IL1RAPL2: variants seen among roughly 807,000 people sequenced by gnomAD.
IL1RAPL2 encodes the protein X-linked interleukin-1 receptor accessory protein-like 2.
A neutral mutation model predicts 44.1 loss-of-function variants in IL1RAPL2; 3 were observed. That is an observed-to-expected ratio of 0.07 (90% confidence interval 0.03 to 0.18). IL1RAPL2 has a LOEUF of 0.18. Ranked by LOEUF, IL1RAPL2 falls within the 10% of genes least tolerant of loss-of-function variation. The pLI is 1.00. For synonymous variants in IL1RAPL2, 181 were observed against 178.8 expected, an observed-to-expected ratio of 1.01 and a Z score of -0.10; for missense variants, 391 against 496.4, an observed-to-expected ratio of 0.79 and a Z score of 2.02.
rs899177744 is a variant in IL1RAPL2 at position 105,549,271 on chromosome X, A to G, written c.772+64884A>G. 6.2e-5 allele frequency among the ~76,000 whole-genome samples: 7 copies of G among 112,492 alleles called. No individual in the cohort carries two copies. In the Admixed American group the frequency reaches 6.6e-4, roughly 11 times the overall value. On this transcript the variant is annotated intron_variant, in intron 6 of 10. Coordinates refer to ENST00000372582, the MANE Select transcript of IL1RAPL2 (RefSeq NM_017416.2). ...GGCAGTTATTCTTTCAGCAACAAAG[A>G]TTAATTCTTTAAATGACCCAATTTG...
At chrX:104,923,880 AT>A (rs200121552) in intron 2 of IL1RAPL2, among the ~76,000 whole-genome samples, 3 of 105,258 alleles carry the variant, frequency 2.9e-5, no homozygotes, top group Non-Finnish European at 5.9e-5. Flanking sequence ...AAAAAAAAAA[AT>A]AAGATCCAAC....
chrX:104,664,019 G>A (rs991805474), intron 2 of IL1RAPL2, among the ~76,000 whole-genome samples: 5 of 110,346 alleles, frequency 4.5e-5, no homozygotes, highest in African/African-American at 1.6e-4. Context: ...ATATCATTGA[G>A]ATCAATGAAT....
intron 2 of IL1RAPL2, among the ~76,000 whole-genome samples, chrX:104,746,205 T>C (rs1932172715): frequency 9.0e-6 from 1 of 111,679 alleles, no homozygotes; most frequent in Non-Finnish European, 1.9e-5. Context: ...CTTTTAGAGA[T>C]GGAGGAACTG....
In IL1RAPL2 at chrX:105,116,013, G is replaced by A. The variant is rs772012838; in HGVS notation, c.83-79462G>A. Among the ~76,000 whole-genome samples the A allele has an allele frequency of 7.1e-5, 8 of 113,275 alleles. No individual in the cohort carries two copies. In the East Asian group the frequency reaches 2.0e-3, roughly 28 times the overall value. ...AGCCAGCAGCTCTGAGTGCGGGGCC[G>A]CTGAGCCCACGCCCACCCAGAACTT... On this transcript the variant is annotated intron_variant, in intron 2 of 10. Transcript: ENST00000372582.
intron 2 of IL1RAPL2, among the ~76,000 whole-genome samples, chrX:104,822,841 T>G (rs1385335920): frequency 3.6e-5 from 4 of 110,919 alleles, no homozygotes. Flanking sequence ...TATAAATTAC[T>G]TTGGGCAGTA....
chrX:104,607,871 A>G (rs1274887669), intron 1 of IL1RAPL2, among the ~76,000 whole-genome samples: 2 of 112,144 alleles, frequency 1.8e-5, no homozygotes, highest in Non-Finnish European at 3.8e-5. Context: ...CAGCAATCCC[A>G]TTACTGGGTA....
intron 5 of IL1RAPL2, among the ~76,000 whole-genome samples, chrX:105,299,477 G>A (rs2034679472): frequency 9.0e-6 from 1 of 111,359 alleles, no homozygotes. Flanking sequence ...AGAGTACAGG[G>A]TGAAGCCATG....
At chrX:105,456,330 G>T (rs897747163) in intron 5 of IL1RAPL2, among the ~76,000 whole-genome samples, 8 of 111,247 alleles carry the variant, frequency 7.2e-5, no homozygotes, top group African/African-American at 2.6e-4. Context: ...TTACCAGATT[G>T]CCCTGGCTAG....
rs767992621 is a variant in IL1RAPL2 at position 104,794,528 on chromosome X, G to A, written c.82+135533G>A. 7.2e-5 allele frequency among the ~76,000 whole-genome samples: 8 copies of A among 111,402 alleles called. No homozygotes were observed. The East Asian group carries it at 1.7e-3, about 24-fold the overall frequency. On this transcript the variant is annotated intron_variant, in intron 2 of 10. Coordinates refer to ENST00000372582, the MANE Select transcript of IL1RAPL2 (RefSeq NM_017416.2). ...TGACTCCTCAGGGAGGAAGATAGGT[G>A]GTGGAGTTCATAATAATGGTAAATA... is the stretch of plus-strand genomic sequence containing the variant.
chrX:105,321,111 A>T (rs2034894242), intron 5 of IL1RAPL2, among the ~76,000 whole-genome samples: 1 of 111,621 alleles, frequency 9.0e-6, no homozygotes, highest in Non-Finnish European at 1.9e-5. Flanking sequence ...TGGGGTGTAG[A>T]GGAGTGTTGG....
intron 1 of IL1RAPL2, among the ~76,000 whole-genome samples, chrX:104,620,130 TC>T (rs1929357356): frequency 9.0e-6 from 1 of 110,765 alleles, no homozygotes; most frequent in African/African-American, 3.3e-5. Flanking sequence ...AAGTTAGAAG[TC>T]ACATTGTGAG....
In IL1RAPL2 at chrX:104,977,152, C is replaced by T. The variant is rs138003050; in HGVS notation, c.83-218323C>T. ...CCCATTCACAGTAGCCAAAATTGTG[C>T]TGACTGATCTTCCACATGGGACCCG... On this transcript the variant is annotated intron_variant, in intron 2 of 10. Coordinates refer to ENST00000372582, the MANE Select transcript of IL1RAPL2 (RefSeq NM_017416.2). Among the ~76,000 whole-genome samples the T allele has an allele frequency of 7.1e-4, 79 of 111,830 alleles. 1 individual carries two copies. The highest frequency in any genetic ancestry group is 2.1e-3 in the African/African-American group (64 of 30,823).
chrX:105,318,580 C>G (rs775392912), intron 5 of IL1RAPL2, among the ~76,000 whole-genome samples: 21 of 110,745 alleles, frequency 1.9e-4, no homozygotes, highest in Non-Finnish European at 3.8e-4. Context: ...GGTGAAGGCA[C>G]AGAGAGAGAA....
intron 1 of IL1RAPL2, among the ~76,000 whole-genome samples, chrX:104,608,241 TG>T (rs1929062853): frequency 9.1e-6 from 1 of 109,602 alleles, no homozygotes; most frequent in South Asian, 4.0e-4. Flanking sequence ...GGTGGGGGGC[TG>T]TGGGAGGGAT....
chrX:104,702,509 T>G (rs2147552968), intron 2 of IL1RAPL2, among the ~76,000 whole-genome samples: 1 of 112,439 alleles, frequency 8.9e-6, no homozygotes, highest in Admixed American at 9.5e-5. Flanking sequence ...ATGCCCACTC[T>G]GATTGCTTCA....
chrX:104,937,315 C>T (rs1444066284), intron 2 of IL1RAPL2, among the ~76,000 whole-genome samples: 2 of 112,263 alleles, frequency 1.8e-5, no homozygotes, highest in African/African-American at 6.5e-5. Flanking sequence ...TTATCCATTA[C>T]AGGTGTCAGC....
intron 1 of IL1RAPL2, among the ~76,000 whole-genome samples, chrX:104,621,727 AT>A (rs1294665634): frequency 9.0e-6 from 1 of 111,071 alleles, no homozygotes; most frequent in Non-Finnish European, 1.9e-5. Flanking sequence ...CAAATTGATA[AT>A]TTTTTTCTCC....
chrX:104,818,343 CAA>C (rs768639524), intron 2 of IL1RAPL2, among the ~76,000 whole-genome samples: 1 of 27,425 alleles, frequency 3.6e-5, no homozygotes, highest in African/African-American at 1.1e-4. Context: ...GACTCCGTCT[CAA>C]AAAAAAAAAA....
intron 2 of IL1RAPL2, among the ~76,000 whole-genome samples, chrX:104,872,967 G>A (rs1922805094): frequency 9.0e-6 from 1 of 111,538 alleles, no homozygotes; most frequent in Non-Finnish European, 1.9e-5. Context: ...ACCAGAGATA[G>A]CAGAGCAATA....
Sources: gnomAD v4.1 joint callset for allele counts (sites outside exome capture counted in the v4.1 genomes callset) on GRCh38, gnomAD v4.1.1 for gene constraint, MANE v1.5 for transcripts, NCBI Gene and HGNC (gene_info 2026-07-23, HGNC 2026-07-21) for gene names.